Variants in NELL1 observed in about 807,000 individuals in gnomAD.
NELL1 encodes the protein neural EGFL like 1.
A neutral mutation model predicts 107.4 loss-of-function variants in NELL1; 76 were observed. That is an observed-to-expected ratio of 0.71 (90% CI 0.59 to 0.86). The LOEUF is 0.86. NELL1 is among the 40% of genes least tolerant of loss of function. The pLI is 0.00. For missense variants in NELL1, 1,024 were observed against 1,005.5 expected (o/e 1.02, Z -0.25); for synonymous variants, 353 against 341.2 (o/e 1.03, Z -0.38).
At chr11:21,259,822 G>A (rs919440060) in intron 14 of NELL1, among the ~76,000 whole-genome samples, 3 of 151,814 alleles carry the variant, frequency 2.0e-5, no homozygotes, top group Non-Finnish European at 2.9e-5. Context: ...TATGACTGAA[G>A]CAATTCACCC....
intron 12 of NELL1, among the ~76,000 whole-genome samples, chr11:20,995,185 T>C (rs1005370090): frequency 1.3e-5 from 2 of 152,148 alleles, no homozygotes; most frequent in African/African-American, 2.4e-5. Flanking sequence ...ATAGTGTGTG[T>C]GACTTGTCCA....
At chr11:21,460,260 C>T (rs925497626) in intron 15 of NELL1, among the ~76,000 whole-genome samples, 2 of 152,060 alleles carry the variant, frequency 1.3e-5, no homozygotes, top group Non-Finnish European at 1.5e-5. Flanking sequence ...AACTAGTGTT[C>T]AGTCCAGTGA....
At position 21,459,767 on chromosome 11, in the gene NELL1, G is replaced by A. The variant is rs1483009430; in HGVS notation, c.1646-74607G>A. 3.3e-5 allele frequency among the ~76,000 whole-genome samples: 5 copies of A among 152,178 alleles called. 1 individual carries two copies. In the South Asian group the frequency reaches 1.0e-3, roughly 32 times the overall value. On this transcript the variant is annotated intron_variant, in intron 15 of 19. Coordinates refer to ENST00000357134, the MANE Select transcript of NELL1 (RefSeq NM_006157.5). ...TTCTTCATCTAGAAAATCTCTAAAT[G>A]ATGAAAATGTGAGGTAGAGGAGAGG... is the stretch of plus-strand genomic sequence containing the variant.
At chr11:20,840,362 A>G (rs1848599054) in intron 3 of NELL1, among the ~76,000 whole-genome samples, 1 of 152,142 alleles carries the variant, frequency 6.6e-6, no homozygotes, top group African/African-American at 2.4e-5. Context: ...CTACCCCAAA[A>G]CTTTTGCTCA....
intron 2 of NELL1, among the ~76,000 whole-genome samples, chr11:20,691,839 G>C (rs1319755128): frequency 1.3e-5 from 2 of 152,072 alleles, no homozygotes; most frequent in African/African-American, 2.4e-5. Flanking sequence ...CTATTGATTG[G>C]AATAGTTTCA....
At chr11:20,936,072 G>T (rs1388112854) in intron 9 of NELL1, among the ~76,000 whole-genome samples, 3 of 152,144 alleles carry the variant, frequency 2.0e-5, no homozygotes, top group African/African-American at 7.2e-5. Flanking sequence ...GATCAATTCT[G>T]GGATAGGAAT....
intron 12 of NELL1, among the ~76,000 whole-genome samples, chr11:21,099,887 A>G (rs575417551): frequency 5.6e-4 from 85 of 152,274 alleles, no homozygotes; most frequent in African/African-American, 2.0e-3. Flanking sequence ...TTTTTCAACA[A>G]CTTTACTGAG....
chr11:21,420,197 T>C (rs1852627890), intron 15 of NELL1, among the ~76,000 whole-genome samples: 2 of 152,132 alleles, frequency 1.3e-5, no homozygotes, highest in South Asian at 4.1e-4. Context: ...GCATAACAAG[T>C]CATTAAGCCT....
intron 12 of NELL1, among the ~76,000 whole-genome samples, chr11:21,000,717 G>T (rs1852198694): frequency 6.6e-6 from 1 of 152,194 alleles, no homozygotes; most frequent in South Asian, 2.1e-4. Context: ...GCTTTTGATA[G>T]ACATTTCTGA....
At chr11:20,901,939 G>C (rs1264135634) in intron 5 of NELL1, among the ~76,000 whole-genome samples, 3 of 152,050 alleles carry the variant, frequency 2.0e-5, no homozygotes, top group Admixed American at 2.0e-4. Context: ...ATTGAGTGAT[G>C]TAATTGATTT....
intron 15 of NELL1, among the ~76,000 whole-genome samples, chr11:21,458,056 A>C (rs2133868028): frequency 6.6e-6 from 1 of 152,272 alleles, no homozygotes; most frequent in East Asian, 1.9e-4. Context: ...ATCACTCTCC[A>C]GGAAATCTGG....
intron 15 of NELL1, among the ~76,000 whole-genome samples, chr11:21,524,978 G>T (rs1038024726): frequency 1.3e-5 from 2 of 152,164 alleles, no homozygotes; most frequent in Non-Finnish European, 2.9e-5. Flanking sequence ...GAAATGAAGA[G>T]ACCTATGAGA....
In NELL1 at chr11:20,927,382, G is replaced by T; in HGVS notation, c.834G>T (p.Leu278=). 6.2e-7 allele frequency: 1 copy of T among 1,613,418 alleles called. No homozygotes were observed. The highest frequency in any genetic ancestry group is 2.2e-5 in the East Asian group (1 of 44,842). Residue 278 remains leucine, a synonymous_variant, in exon 8 of 20, where the codon CTG becomes CTT. Coordinates refer to ENST00000357134, the MANE Select transcript of NELL1 (RefSeq NM_006157.5). ...HCEKTCQVSG[L]LYRDQDSWVD... ...AGAAGACTTGTCAAGTGAGTGGACT[G>T]CTCTATCGAGATCAAGACTCTTGGG...
At chr11:20,717,919 A>G (rs1490534004) in intron 2 of NELL1, among the ~76,000 whole-genome samples, 1 of 152,178 alleles carries the variant, frequency 6.6e-6, no homozygotes, top group Non-Finnish European at 1.5e-5. Flanking sequence ...CCCCTGTCAC[A>G]ATATTAACTT....
intron 2 of NELL1, among the ~76,000 whole-genome samples, chr11:20,738,813 T>C (rs1220502486): frequency 6.6e-6 from 1 of 152,200 alleles, no homozygotes; most frequent in Non-Finnish European, 1.5e-5. Context: ...GACCTATTTC[T>C]TTATTCCTCA....
chr11:20,927,272 A>G, intron 7 of NELL1, 36 bp from the exon 8 acceptor site: 1 of 1,578,988 alleles, frequency 6.3e-7, no homozygotes, highest in Non-Finnish European at 8.6e-7. Context: ...ATGCAATTGA[A>G]TTACAGAAAT....
intron 11 of NELL1, among the ~76,000 whole-genome samples, chr11:20,949,097 G>A (rs1162376395): frequency 6.6e-6 from 1 of 152,156 alleles, no homozygotes; most frequent in Non-Finnish European, 1.5e-5. Context: ...TAGATCATAG[G>A]TATATAAATG....
intron 13 of NELL1, among the ~76,000 whole-genome samples, chr11:21,119,519 C>T (rs1169760569): frequency 1.3e-5 from 2 of 152,002 alleles, no homozygotes; most frequent in African/African-American, 2.4e-5. Context: ...GTTTCCCTGA[C>T]ATGAGTATGT....
chr11:21,468,415 T>G (rs1854084990), intron 15 of NELL1, among the ~76,000 whole-genome samples: 1 of 152,106 alleles, frequency 6.6e-6, no homozygotes, highest in Non-Finnish European at 1.5e-5. Context: ...TATGTAATGA[T>G]TCTCATTTTT....
Sources: allele counts gnomAD v4.1 joint callset (sites outside exome capture counted in the v4.1 genomes callset), GRCh38; gene constraint gnomAD v4.1.1; transcripts MANE v1.5; gene names NCBI Gene and HGNC (gene_info 2026-07-23, HGNC 2026-07-21).